The following BLTP1 variants were observed in gnomAD, a reference collection of about 807,000 sequenced individuals.
BLTP1 encodes the protein bridge-like lipid transfer protein family member 1, also known as fragile site-associated protein.
At chr4:122,184,750 A>G in the BLTP1 span, 1 of 985,116 alleles carries the variant, frequency 1.0e-6, no homozygotes, top group Admixed American at 6.2e-5. Context: ...ACTCATTAGC[A>G]TACTGCCTTT....
At chr4:122,187,956 C>T in the BLTP1 span, 1 of 1,593,272 alleles carries the variant, frequency 6.3e-7, no homozygotes. Flanking sequence ...TTTGATGATG[C>T]TTTCTTAACT....
At chr4:122,262,143 A>C in the BLTP1 span, among the ~76,000 whole-genome samples, 1 of 68,116 alleles carries the variant, frequency 1.5e-5, no homozygotes, top group African/African-American at 3.9e-5. Context: ...CATGTTACAG[A>C]TCCTTTGTGT....
chr4:122,269,927 G>A, the BLTP1 span, among the ~76,000 whole-genome samples: 2 of 151,878 alleles, frequency 1.3e-5, no homozygotes, highest in African/African-American at 2.4e-5. Context: ...AAATTGTTAT[G>A]GTATACCATT....
At chr4:122,251,153 C>G in the BLTP1 span, 8 of 957,524 alleles carry the variant, frequency 8.4e-6, no homozygotes, top group East Asian at 8.0e-4. Context: ...TTTCCTAAGT[C>G]TCTTTACCTG....
the BLTP1 span, chr4:122,225,869 C>G: frequency 1.3e-5 from 2 of 152,076 alleles, no homozygotes; most frequent in Non-Finnish European, 2.9e-5. Flanking sequence ...TTGTTCCCTA[C>G]GAAGGGAATA....
the BLTP1 span, chr4:122,293,087 T>C: frequency 1.1e-6 from 1 of 948,976 alleles, no homozygotes; most frequent in Non-Finnish European, 1.3e-6. Context: ...TCAAAATAAT[T>C]TAAGCAAGTT....
chr4:122,282,800 T>A, the BLTP1 span, among the ~76,000 whole-genome samples: 10 of 152,338 alleles, frequency 6.6e-5, no homozygotes, highest in East Asian at 1.7e-3. Context: ...TTATATGGAA[T>A]CTCACATTTT....
the BLTP1 span, chr4:122,346,607 G>A: frequency 1.2e-6 from 2 of 1,608,900 alleles, no homozygotes; most frequent in Middle Eastern, 1.7e-4. Context: ...ACTAACAAAT[G>A]TTATTTATGT....
the BLTP1 span, among the ~76,000 whole-genome samples, chr4:122,183,919 G>T: frequency 6.6e-6 from 1 of 151,366 alleles, no homozygotes; most frequent in Non-Finnish European, 1.5e-5. Flanking sequence ...CCACAAAGAG[G>T]TACATTTTTT....
At chr4:122,358,690 C>T in the BLTP1 span, among the ~76,000 whole-genome samples, 2 of 152,160 alleles carry the variant, frequency 1.3e-5, no homozygotes, top group East Asian at 3.8e-4. Context: ...TTTTGAGGCT[C>T]ATTCCCAATC....
At chr4:122,224,087 T>A in the BLTP1 span, 1 of 982,758 alleles carries the variant, frequency 1.0e-6, no homozygotes, top group Non-Finnish European at 1.2e-6. Context: ...TCTTCATTGT[T>A]TGGTCTTAAT....
the BLTP1 span, chr4:122,152,826 A>G: frequency 2.7e-6 from 1 of 370,380 alleles, no homozygotes; most frequent in Non-Finnish European, 3.7e-6. Flanking sequence ...ACTTTGATAC[A>G]GGAGCAGTTC....
At chr4:122,189,893 GT>G in the BLTP1 span, 45 of 1,449,682 alleles carry the variant, frequency 3.1e-5, no homozygotes, top group East Asian at 1.7e-4. Flanking sequence ...GTGCTTGTTA[GT>G]TTTTTTTTCC....
the BLTP1 span, chr4:122,276,114 A>G: frequency 9.2e-7 from 1 of 1,087,548 alleles, no homozygotes; most frequent in Non-Finnish European, 1.3e-6. Context: ...GCTGTGAATT[A>G]TTTAGTTATT....
At chr4:122,188,072 G>T in the BLTP1 span, 1 of 1,496,062 alleles carries the variant, frequency 6.7e-7, no homozygotes, top group South Asian at 1.4e-5. Flanking sequence ...AAGATATGTT[G>T]GTCTTCAAAA....
the BLTP1 span, chr4:122,271,562 A>G: frequency 1.2e-6 from 2 of 1,613,596 alleles, no homozygotes; most frequent in Non-Finnish European, 8.5e-7. Context: ...GGTGGATCAC[A>G]TGACTATTCA....
chr4:122,359,910 A>G, the BLTP1 span: 1 of 985,410 alleles, frequency 1.0e-6, no homozygotes, highest in Non-Finnish European at 1.2e-6. Flanking sequence ...AGGCGAATGA[A>G]GTACAAATGT....
At chr4:122,166,955 T>C in the BLTP1 span, among the ~76,000 whole-genome samples, 1 of 152,206 alleles carries the variant, frequency 6.6e-6, no homozygotes, top group East Asian at 1.9e-4. Flanking sequence ...TTTGACATGT[T>C]CATATCATTC....
At chr4:122,190,621 AG>A in the BLTP1 span, 1 of 471,774 alleles carries the variant, frequency 2.1e-6, no homozygotes, top group South Asian at 9.1e-5. Context: ...CAGTTTTCAT[AG>A]ATAAACCTCA....
Sources: gnomAD v4.1 joint callset for allele counts (sites outside exome capture counted in the v4.1 genomes callset) on GRCh38, gnomAD v4.1.1 for gene constraint, MANE v1.5 for transcripts, NCBI Gene and HGNC (gene_info 2026-07-23, HGNC 2026-07-21) for gene names.